The following AKAP19 variants were observed in gnomAD, a reference collection of about 807,000 sequenced individuals.
The protein encoded by AKAP19 is A-kinase anchoring protein 19.
At chr2:189,953,189 T>G in the AKAP19 span, among the ~76,000 whole-genome samples, 1 of 152,170 alleles carries the variant, frequency 6.6e-6, no homozygotes, top group Non-Finnish European at 1.5e-5. Context: ...AGGGCTTTAC[T>G]CAAGGCCTTG....
chr2:189,936,844 G>A, the AKAP19 span, among the ~76,000 whole-genome samples: 7,375 of 152,208 alleles, frequency 0.048, 270 homozygotes, highest in Non-Finnish European at 0.067. Flanking sequence ...TACAAACTGG[G>A]CCACGCACAA....
chr2:190,151,014 T>C, the AKAP19 span, among the ~76,000 whole-genome samples: 6 of 152,198 alleles, frequency 3.9e-5, no homozygotes, highest in Non-Finnish European at 8.8e-5. Flanking sequence ...CTTACTTGTC[T>C]ATAAAATTGG....
At chr2:190,184,460 T>C in the AKAP19 span, among the ~76,000 whole-genome samples, 1 of 152,242 alleles carries the variant, frequency 6.6e-6, no homozygotes. Context: ...AGGAAAACTT[T>C]AGTAAGCATT....
chr2:190,162,732 C>T, the AKAP19 span, among the ~76,000 whole-genome samples: 1 of 152,122 alleles, frequency 6.6e-6, no homozygotes, highest in African/African-American at 2.4e-5. Flanking sequence ...CAAACTTAAG[C>T]TCCGATGGAC....
chr2:190,153,852 T>C, the AKAP19 span, among the ~76,000 whole-genome samples: 23 of 152,220 alleles, frequency 1.5e-4, no homozygotes, highest in Non-Finnish European at 7.3e-5. Flanking sequence ...TAATTCTTTT[T>C]TGCAGTCTAT....
the AKAP19 span, chr2:190,056,486 CT>C: frequency 6.6e-6 from 1 of 152,440 alleles, no homozygotes; most frequent in Non-Finnish European, 1.5e-5. Flanking sequence ...ATTTGACTGC[CT>C]TTTAAGATAA....
the AKAP19 span, among the ~76,000 whole-genome samples, chr2:189,928,738 A>G: frequency 6.6e-6 from 1 of 152,150 alleles, no homozygotes; most frequent in Admixed American, 6.5e-5. Context: ...AAATTCCTCT[A>G]TATTGCAATT....
the AKAP19 span, among the ~76,000 whole-genome samples, chr2:189,972,696 A>G: frequency 5.9e-5 from 9 of 152,124 alleles, no homozygotes; most frequent in African/African-American, 1.9e-4. Flanking sequence ...GAGGTCCTTC[A>G]CATCCCTTGT....
the AKAP19 span, among the ~76,000 whole-genome samples, chr2:190,098,726 A>T: frequency 6.6e-6 from 1 of 152,214 alleles, no homozygotes; most frequent in African/African-American, 2.4e-5. Flanking sequence ...CCTAGATGTT[A>T]TCTTCCAATA....
the AKAP19 span, among the ~76,000 whole-genome samples, chr2:189,888,057 C>T: frequency 6.6e-6 from 1 of 152,082 alleles, no homozygotes; most frequent in African/African-American, 2.4e-5. Context: ...ATGGTATTGC[C>T]TAGGTTTTCT....
chr2:189,988,718 C>T, the AKAP19 span, among the ~76,000 whole-genome samples: 2 of 152,200 alleles, frequency 1.3e-5, no homozygotes, highest in African/African-American at 4.8e-5. Flanking sequence ...CCACAAAAGA[C>T]TGACTCTCCT....
At chr2:189,951,923 C>T in the AKAP19 span, among the ~76,000 whole-genome samples, 1 of 152,120 alleles carries the variant, frequency 6.6e-6, no homozygotes, top group Admixed American at 6.5e-5. Context: ...TCTTCCTGAA[C>T]CAGGAATAGA....
At chr2:190,133,013 G>C in the AKAP19 span, among the ~76,000 whole-genome samples, 1 of 151,936 alleles carries the variant, frequency 6.6e-6, no homozygotes, top group Non-Finnish European at 1.5e-5. Context: ...AAGGTGGGCG[G>C]ATCATGAGGT....
chr2:190,103,066 A>G, the AKAP19 span, among the ~76,000 whole-genome samples: 1 of 152,242 alleles, frequency 6.6e-6, no homozygotes, highest in Non-Finnish European at 1.5e-5. Context: ...GATTTACCAC[A>G]TAAACAGAAT....
the AKAP19 span, among the ~76,000 whole-genome samples, chr2:189,956,471 C>T: frequency 1.3e-5 from 2 of 152,078 alleles, no homozygotes; most frequent in Non-Finnish European, 2.9e-5. Context: ...ACCCGGCCTA[C>T]TAGTATATTT....
the AKAP19 span, among the ~76,000 whole-genome samples, chr2:190,105,268 G>GAT: frequency 2.0e-5 from 3 of 152,032 alleles, no homozygotes; most frequent in African/African-American, 7.3e-5. Flanking sequence ...AGAAAAATGT[G>GAT]ATATATATAT....
At chr2:189,949,637 T>C in the AKAP19 span, among the ~76,000 whole-genome samples, 6 of 147,122 alleles carry the variant, frequency 4.1e-5, no homozygotes, top group South Asian at 8.7e-4. Flanking sequence ...CTTTCTTTTT[T>C]TTTTTTTTTT....
At chr2:189,989,107 A>G in the AKAP19 span, among the ~76,000 whole-genome samples, 1 of 152,240 alleles carries the variant, frequency 6.6e-6, no homozygotes, top group African/African-American at 2.4e-5. Flanking sequence ...GTTAGCCACT[A>G]TATCTTTGTT....
At chr2:190,024,374 G>A in the AKAP19 span, among the ~76,000 whole-genome samples, 2 of 144,232 alleles carry the variant, frequency 1.4e-5, no homozygotes, top group Non-Finnish European at 3.0e-5. Context: ...ACATATATAT[G>A]TGTGTGTATA....
Sources: gnomAD v4.1 joint callset for allele counts (sites outside exome capture counted in the v4.1 genomes callset) on GRCh38, gnomAD v4.1.1 for gene constraint, MANE v1.5 for transcripts, NCBI Gene and HGNC (gene_info 2026-07-23, HGNC 2026-07-21) for gene names.